Variants in ARHGEF37 observed in about 807,000 individuals in gnomAD.
The protein encoded by ARHGEF37 is Rho guanine nucleotide exchange factor 37.
In ARHGEF37, 55 loss-of-function variants were observed where a neutral mutation model predicts 71.1. The ratio of observed to expected loss-of-function variants is 0.77; its 90% CI spans 0.62 to 0.97. The LOEUF is 0.97. ARHGEF37 is among the 50% of genes least tolerant of loss of function. The pLI is 0.00. For missense variants in ARHGEF37, 765 were observed against 836.8 expected (o/e 0.91, Z 1.06); for synonymous variants, 327 against 350.6 (o/e 0.93, Z 0.75).
rs1752980856 is a variant in ARHGEF37 at position 149,634,677 on chromosome 5, T to C, written c.*2486T>C. 6.5e-6 allele frequency: 1 copy of C among 152,728 alleles called. No individual in the cohort carries two copies. The highest frequency in any genetic ancestry group is 2.1e-4 in the South Asian group (1 of 4,824). 9.5% of individuals were successfully genotyped at this position (152,728 alleles called of 1,614,324 possible). ...CTCCAAATGCCTAGAACCATGGCAC[T>C]GTGTCTTATTTATTTAACCGTTGGG... is the stretch of plus-strand genomic sequence containing the variant. On this transcript the variant is annotated 3_prime_UTR_variant, in exon 13 of 13. Coordinates refer to ENST00000333677, the MANE Select transcript of ARHGEF37 (RefSeq NM_001001669.3).
At position 149,558,886 on chromosome 5, in the gene ARHGEF37, C is replaced by T. The variant is rs541228788; in HGVS notation, c.-12+6763C>T. On this transcript the variant is annotated intron_variant, in intron 1 of 2. Transcript: ENST00000505810. The stretch of plus-strand genomic sequence containing the variant: ...TGTTAACATTTTGCTGTATAAAATT[C>T]CAGCATTTTTCTATGCATATGTATA... Among the ~76,000 whole-genome samples, 3 of 152,076 alleles carry T rather than the reference C, an allele frequency of 2.0e-5. No individual in the cohort carries two copies. The South Asian group carries it at 6.2e-4, about 32-fold the overall frequency.
chr5:149,553,169 C>T (rs886110112), intron 1 of ARHGEF37, among the ~76,000 whole-genome samples: 16 of 152,044 alleles, frequency 1.1e-4, no homozygotes, highest in African/African-American at 1.7e-4. Flanking sequence ...GAGGCCGAGG[C>T]GGCTGGATCA....
upstream of ARHGEF37, among the ~76,000 whole-genome samples, chr5:149,577,949 G>A (rs1190583018): frequency 6.6e-6 from 1 of 152,228 alleles, no homozygotes; most frequent in African/African-American, 2.4e-5. Flanking sequence ...TTTCAGTGGT[G>A]GTGACATTCA....
chr5:149,609,217 T>C (rs2113341789), intron 3 of ARHGEF37, among the ~76,000 whole-genome samples: 1 of 151,034 alleles, frequency 6.6e-6, no homozygotes, highest in Admixed American at 6.6e-5. Flanking sequence ...AACAAGCTAA[T>C]GGTTGAGTGT....
At chr5:149,557,482 A>G (rs975313628) in intron 1 of ARHGEF37, among the ~76,000 whole-genome samples, 17 of 151,852 alleles carry the variant, frequency 1.1e-4, no homozygotes, top group South Asian at 4.1e-4. Context: ...TTGTTTGTTT[A>G]TTTATTTATT....
intron 1 of ARHGEF37, among the ~76,000 whole-genome samples, chr5:149,563,302 C>T (rs1036364557): frequency 1.3e-5 from 2 of 152,202 alleles, no homozygotes; most frequent in African/African-American, 4.8e-5. Flanking sequence ...TTCTTGCTTC[C>T]TGTCAGACTC....
chr5:149,613,780 TTGA>T (rs1752281189), intron 4 of ARHGEF37, among the ~76,000 whole-genome samples: 1 of 151,224 alleles, frequency 6.6e-6, no homozygotes, highest in African/African-American at 2.4e-5. Flanking sequence ...TTTTTTTTTT[TTGA>T]GACAAGGTCT....
Position 149,618,905 on chromosome 5 carries a change from G to C in ARHGEF37, c.790-33G>C, listed in dbSNP as rs774614644. 9.0e-6 allele frequency: 14 copies of C among 1,555,916 alleles called. No homozygotes were observed. The Admixed American group carries it at 2.2e-4, about 24-fold the overall frequency. On this transcript the variant is annotated intron_variant, in intron 6 of 12. Coordinates refer to ENST00000333677, the MANE Select transcript of ARHGEF37 (RefSeq NM_001001669.3). ...AGCCGGTGTACACTGCCCCCATGTGGATATTCTCAACCCTCACACACATTA... is the reference window on the plus strand; with the variant it reads ...AGCCGGTGTACACTGCCCCCATGTGCATATTCTCAACCCTCACACACATTA...
In ARHGEF37 at chr5:149,601,220, T is replaced by C; in HGVS notation, c.299T>C (p.Val100Ala). ...QETASKEEEQ[V>A]QLVGNIFLEF... Reference sequence around the variant, plus strand: ...ACAGCCTCCAAGGAAGAGGAACAAGTGCAGCTAGTTGGTAAGCAAAAAACC... The same window carrying C: ...ACAGCCTCCAAGGAAGAGGAACAAGCGCAGCTAGTTGGTAAGCAAAAAACC... Residue 100 changes from valine (V) to alanine (A), a missense_variant, in exon 3 of 13, where the codon GTG becomes GCG. By Grantham distance (64) the Val-to-Ala change is moderately conservative. This residue lies in a region of ARHGEF37 where 201 missense variants were observed against 217.5 expected (regional missense o/e 0.92). Transcript: ENST00000333677. 2 of 1,611,780 alleles carry C rather than the reference T, an allele frequency of 1.2e-6. No individual in the cohort carries two copies. Among genetic ancestry groups the C allele is most frequent in the South Asian group, 1.1e-5 (1 of 90,850 alleles).
intron 3 of ARHGEF37, among the ~76,000 whole-genome samples, chr5:149,607,459 T>C (rs945121182): frequency 3.9e-5 from 6 of 152,212 alleles, no homozygotes; most frequent in African/African-American, 1.4e-4. Context: ...TCCCCCACCA[T>C]TTTCTAACTC....
intron 1 of ARHGEF37, among the ~76,000 whole-genome samples, chr5:149,594,008 G>T (rs58068266): frequency 0.011 from 1,631 of 152,216 alleles, 32 homozygotes; most frequent in African/African-American, 0.037. Context: ...TATTTTAAAT[G>T]GATATATAAT....
At chr5:149,571,269 G>C (rs1580884439) in intron 1 of ARHGEF37, among the ~76,000 whole-genome samples, 1 of 151,092 alleles carries the variant, frequency 6.6e-6, no homozygotes, top group African/African-American at 2.4e-5. Flanking sequence ...GTTTTGCTTC[G>C]TTTTGAGACA....
intron 1 of ARHGEF37, among the ~76,000 whole-genome samples, chr5:149,565,914 A>G (rs1219653247): frequency 1.5e-5 from 2 of 135,228 alleles, no homozygotes; most frequent in Non-Finnish European, 3.1e-5. Context: ...CAATGGTGCG[A>G]TCTCTGCTCA....
Position 149,616,303 on chromosome 5 carries a change from G to A in ARHGEF37, c.459-264G>A, listed in dbSNP as rs114804244. Among the ~76,000 whole-genome samples the A allele has an allele frequency of 3.4e-3, 517 of 152,302 alleles. 2 individuals carry two copies. The highest frequency in any genetic ancestry group is 0.012 in the African/African-American group (495 of 41,562). On this transcript the variant is annotated intron_variant, in intron 4 of 12. Transcript: ENST00000333677. Reference sequence around the variant, plus strand: ...AGCAAGGGTGTAGTCAGTCGTGTCTGCTGTGGAGAGGCCGAGCAAGCTGAG... The same window carrying A: ...AGCAAGGGTGTAGTCAGTCGTGTCTACTGTGGAGAGGCCGAGCAAGCTGAG...
rs1240441242 is a variant in ARHGEF37 at position 149,627,105 on chromosome 5, G to C, written c.1494G>C (p.Val498=). 6.2e-7 allele frequency: 1 copy of C among 1,613,884 alleles called. No individual in the cohort carries two copies. Residue 498 remains valine (V), a synonymous_variant, in exon 11 of 13, where the codon GTG becomes GTC. Coordinates refer to ENST00000333677, the MANE Select transcript of ARHGEF37 (RefSeq NM_001001669.3). ...TCCTTCCAGGGTCTGAACGCCAGGT[G>C]CAGGCTCTCCTGAGCAGGTATGGCC... is the stretch of plus-strand genomic sequence containing the variant. ...QPLLPGSERQ[V]QALLSRYGPG...
intron 4 of ARHGEF37, among the ~76,000 whole-genome samples, chr5:149,612,760 C>A (rs894444750): frequency 1.3e-5 from 2 of 152,218 alleles, no homozygotes; most frequent in Non-Finnish European, 2.9e-5. Context: ...TAAATGCCTG[C>A]GGCATTACTT....
At chr5:149,621,437 C>CAAAA (rs1277695289) in intron 8 of ARHGEF37, among the ~76,000 whole-genome samples, 1 of 133,394 alleles carries the variant, frequency 7.5e-6, no homozygotes, top group African/African-American at 2.9e-5. Flanking sequence ...GACCCTGTCT[C>CAAAA]AAAAAAAAAA....
intron 7 of ARHGEF37, among the ~76,000 whole-genome samples, chr5:149,620,072 CA>C (rs10716197): frequency 0.39 from 38,619 of 99,666 alleles, 4,510 homozygotes; most frequent in East Asian, 0.49. Context: ...GACTCTGTCT[CA>C]AAAAAAAAAA....
At chr5:149,590,003 T>C (rs1471240024) in intron 1 of ARHGEF37, among the ~76,000 whole-genome samples, 3 of 152,196 alleles carry the variant, frequency 2.0e-5, no homozygotes. Flanking sequence ...CCTCTGCTTT[T>C]AGTGGAGTGA....
Sources: gnomAD v4.1 joint callset for allele counts (sites outside exome capture counted in the v4.1 genomes callset) on GRCh38, gnomAD v4.1.1 for gene constraint, gnomAD v4.1.1 regional missense constraint, MANE v1.5 for transcripts, NCBI Gene and HGNC (gene_info 2026-07-23, HGNC 2026-07-21) for gene names.